The following OR2T10 variants were observed in gnomAD, a reference collection of about 807,000 sequenced individuals.
The protein encoded by OR2T10 is olfactory receptor family 2 subfamily T member 10.
For missense variants in OR2T10, 335 were observed against 382.5 expected, an observed-to-expected ratio of 0.88 and a Z score of 1.04; for synonymous variants, 125 against 141.8, an observed-to-expected ratio of 0.88 and a Z score of 0.84.
Position 248,593,510 on chromosome 1 carries a change from C to T in OR2T10, c.259G>A (p.Ala87Thr), listed in dbSNP as rs1463375825. ...TVPKMLVNQL[A>T]KDKTISVLGC... ...AGGACCGAGATGGTCTTGTCTTTGG[C>T]CAGCTGGTTCACCAGCATTTTGGGG... Residue 87 changes from alanine to threonine, a missense_variant, in exon 2 of 2, where the codon GCC (alanine) becomes ACC (threonine). Transcript: ENST00000642090. The T allele has an allele frequency of 1.3e-6, 2 of 1,571,930 alleles. No individual in the cohort carries two copies. The highest frequency in any genetic ancestry group is 1.7e-6 in the Non-Finnish European group (2 of 1,156,314).
At position 248,593,904 on chromosome 1, in the gene OR2T10, C is replaced by T. The variant is rs151288906; in HGVS notation, c.-28-108G>A. 1.1e-3 allele frequency: 621 copies of T among 567,238 alleles called. 124 individuals are homozygous for T. The African/African-American group carries it at 0.012, about 11-fold the overall frequency. 35.1% of individuals were successfully genotyped at this position (567,238 alleles called of 1,614,324 possible). A position where few individuals can be genotyped will look rare whatever the true frequency, so the allele number is the denominator to read the frequency against. ...CAATGTGAAAATCAGAGTGTATTTC[C>T]AACATGAACTGTGAATTTGCACTAA... On this transcript the variant is annotated intron_variant, in intron 1 of 1. Coordinates refer to ENST00000642090, the MANE Select transcript of OR2T10 (RefSeq NM_001004693.2).
Position 248,591,121 on chromosome 1 carries a change from CTTGA to C in OR2T10, c.*1705_*1708del, listed in dbSNP as rs942230911. ...TACTGAGACATGGTCCTACTGGACT[CTTGA>C]TTGACAGGCTGGTAGATGTCCCTAT... On this transcript the variant is annotated 3_prime_UTR_variant, in exon 2 of 2. Coordinates refer to ENST00000642090, the MANE Select transcript of OR2T10 (RefSeq NM_001004693.2). 1.2e-4 allele frequency: 17 copies of C among 143,352 alleles called. 4 individuals carry two copies. The highest frequency in any genetic ancestry group is 4.7e-4 in the African/African-American group (17 of 36,392). The allele number at this position is 143,352 out of a possible 1,614,324, so 8.9% of individuals were successfully genotyped here.
At position 248,593,247 on chromosome 1, in the gene OR2T10, A is replaced by C. The variant is rs1572088632; in HGVS notation, c.522T>G (p.Ile174Met). 6.4e-7 allele frequency: 1 copy of C among 1,573,892 alleles called. No homozygotes were observed. The highest frequency in any genetic ancestry group is 2.3e-5 in the East Asian group (1 of 43,646). ...CAGGGACCTCACAGAAGAAGTGCTG[A>C]ATCTCATGGGATCTGCAGAAGGGGA... ...MSFPFCRSHE[I>M]QHFFCEVPAV... Residue 174 changes from isoleucine to methionine, a missense_variant, in exon 2 of 2, where the codon ATT (isoleucine) becomes ATG (methionine). Coordinates refer to ENST00000642090, the MANE Select transcript of OR2T10 (RefSeq NM_001004693.2).
At chr1:248,594,128 G>T (rs1314179159) in intron 1 of OR2T10, among the ~76,000 whole-genome samples, 2 of 142,252 alleles carry the variant, frequency 1.4e-5, no homozygotes, top group East Asian at 2.0e-4. Context: ...TTCCTGTATT[G>T]CCCAAATCCC....
rs1659986459 is a variant in OR2T10 at position 248,590,868 on chromosome 1, T to G, written c.*1962A>C. On this transcript the variant is annotated 3_prime_UTR_variant, in exon 2 of 2. Transcript: ENST00000642090. ...ATTTAAGTTTTGCACAAATCTAAAC[T>G]GTATATTACATTAAAATTATTGCTA... 1.4e-5 allele frequency: 2 copies of G among 138,708 alleles called. No individual in the cohort carries two copies. The highest frequency in any genetic ancestry group is 6.9e-5 in the Admixed American group (1 of 14,574). The allele number at this position is 138,708 out of a possible 1,614,324, so 8.6% of individuals were successfully genotyped here. A position where few individuals can be genotyped will look rare whatever the true frequency, so the allele number is the denominator to read the frequency against.
rs1352187561 is a variant in OR2T10, at chr1:248,592,080, T to A, written c.*750A>T. Reference sequence around the variant, plus strand: ...ATATTTCTCTGGTTAAGTCTATGAATAAACCAATTATACTCCAAACATGTT... The same window carrying A: ...ATATTTCTCTGGTTAAGTCTATGAAAAAACCAATTATACTCCAAACATGTT... On this transcript the variant is annotated 3_prime_UTR_variant, in exon 2 of 2. Transcript: ENST00000642090. 3.5e-5 allele frequency: 5 copies of A among 144,116 alleles called. No individual in the cohort carries two copies. The highest frequency in any genetic ancestry group is 7.5e-5 in the Non-Finnish European group (5 of 66,456). 8.9% of individuals were successfully genotyped at this position (144,116 alleles called of 1,614,324 possible).
At chr1:248,595,667 C>A (rs1660079835) in intron 1 of OR2T10, among the ~76,000 whole-genome samples, 1 of 142,996 alleles carries the variant, frequency 7.0e-6, no homozygotes, top group Non-Finnish European at 1.5e-5. Flanking sequence ...AGATTTTAGT[C>A]AATTAATAAA....
chr1:248,593,257 G>A lies in OR2T10; in HGVS notation c.512C>T (p.Ser171Phe), dbSNP rs2103088208. ...ACAGAAGAAGTGCTGAATCTCATGG[G>A]ATCTGCAGAAGGGGAAGCTCATGGC... ...PIAMSFPFCR[S>F]HEIQHFFCEV... is the part of the protein sequence containing the mutation. Residue 171 changes from serine (S) to phenylalanine (F), a missense_variant, in exon 2 of 2, where the codon TCC becomes TTC. Ser to Phe is a radical substitution (Grantham distance 155). Transcript: ENST00000642090. 1 of 1,573,656 alleles carries A rather than the reference G, an allele frequency of 6.4e-7. No homozygotes were observed. Among genetic ancestry groups the A allele is most frequent in the South Asian group, 1.1e-5 (1 of 88,930 alleles).
rs756788064 is a variant in OR2T10 at position 248,592,123 on chromosome 1, G to T, written c.*707C>A. Reference sequence around the variant, plus strand: ...AACATGTTGTAGCCCATGTCTACTGGATAGCCCATGTCTCTGCTCTAATTT... The same window carrying T: ...AACATGTTGTAGCCCATGTCTACTGTATAGCCCATGTCTCTGCTCTAATTT... On this transcript the variant is annotated 3_prime_UTR_variant, in exon 2 of 2. Transcript: ENST00000642090. 2.3e-4 allele frequency: 33 copies of T among 143,778 alleles called. 9 individuals carry two copies. Among genetic ancestry groups the T allele is most frequent in the Non-Finnish European group, 3.3e-4 (22 of 66,406 alleles). 8.9% of individuals were successfully genotyped at this position (143,778 alleles called of 1,614,324 possible).
At chr1:248,594,441 C>T (rs1186070015) in intron 1 of OR2T10, among the ~76,000 whole-genome samples, 4 of 143,838 alleles carry the variant, frequency 2.8e-5, no homozygotes, top group Non-Finnish European at 4.5e-5. Context: ...TACTTTTACA[C>T]ATATGTGATT....
chr1:248,595,439 A>AATTC (rs1660077035), intron 1 of OR2T10, among the ~76,000 whole-genome samples: 1 of 143,212 alleles, frequency 7.0e-6, no homozygotes, highest in Non-Finnish European at 1.5e-5. Context: ...AATTGGTCAT[A>AATTC]TTATTTCCTT....
intron 1 of OR2T10, among the ~76,000 whole-genome samples, chr1:248,596,323 CTCTAGG>C (rs2103089552): frequency 7.0e-6 from 1 of 143,230 alleles, no homozygotes; most frequent in African/African-American, 2.7e-5. Context: ...AGCTAATTAA[CTCTAGG>C]TCTATGTAAG....
rs1659995800 is a variant in OR2T10 at position 248,591,343 on chromosome 1, TCTC to T, written c.*1484_*1486del. ...CTTCTGATAATACTCCATGTCTTCT[TCTC>T]AATTACCAAATTTATTTTCTGTATA... On this transcript the variant is annotated 3_prime_UTR_variant, in exon 2 of 2. Coordinates refer to ENST00000642090, the MANE Select transcript of OR2T10 (RefSeq NM_001004693.2). 1 of 143,782 alleles carries T rather than the reference TCTC, an allele frequency of 7.0e-6. No homozygotes were observed. The highest frequency in any genetic ancestry group is 2.2e-4 in the South Asian group (1 of 4,590). 8.9% of individuals were successfully genotyped at this position (143,782 alleles called of 1,614,324 possible).
At position 248,593,233 on chromosome 1, in the gene OR2T10, CAGA is replaced by C. The variant is rs777640386; in HGVS notation, c.533_535del (p.Phe178del). 51 of 1,573,696 alleles carry C rather than the reference CAGA, an allele frequency of 3.2e-5. 2 individuals are homozygous for C. The highest frequency in any genetic ancestry group is 1.2e-4 in the Admixed American group (7 of 58,422). On this transcript the variant is annotated inframe_deletion, in exon 2 of 2. Coordinates refer to ENST00000642090, the MANE Select transcript of OR2T10 (RefSeq NM_001004693.2). Reference sequence around the variant, plus strand: ...GAGCTTCAAAACAGCAGGGACCTCACAGAAGAAGTGCTGAATCTCATGGGATCT... The same window carrying C: ...GAGCTTCAAAACAGCAGGGACCTCACAGAAGTGCTGAATCTCATGGGATCT...
At position 248,592,640 on chromosome 1, in the gene OR2T10, G is replaced by A. The variant is rs1318593970; in HGVS notation, c.*190C>T. 32 of 460,560 alleles carry A rather than the reference G, an allele frequency of 6.9e-5. 3 individuals carry two copies. Among genetic ancestry groups the A allele is most frequent in the African/African-American group, 3.2e-4 (14 of 44,234 alleles). 28.5% of individuals were successfully genotyped at this position (460,560 alleles called of 1,614,324 possible). Reference sequence around the variant, plus strand: ...GGACTGGACTAGAGATCAATGCTACGAGGGAAGGGGGGGATAAGTGAACAT... The same window carrying A: ...GGACTGGACTAGAGATCAATGCTACAAGGGAAGGGGGGGATAAGTGAACAT... On this transcript the variant is annotated 3_prime_UTR_variant, in exon 2 of 2. Coordinates refer to ENST00000642090, the MANE Select transcript of OR2T10 (RefSeq NM_001004693.2).
In OR2T10 at chr1:248,590,900, TATTG is replaced by T. The variant is rs956753114; in HGVS notation, c.*1926_*1929del. On this transcript the variant is annotated 3_prime_UTR_variant, in exon 2 of 2. Transcript: ENST00000642090. ...TACATTAAAATTATTGCTAAGTCAATATTGATTATGACTCATTTACATATTACTC... is the reference window on the plus strand; with the variant it reads ...TACATTAAAATTATTGCTAAGTCAATATTATGACTCATTTACATATTACTC... 7.0e-6 allele frequency: 1 copy of T among 143,674 alleles called. No individual in the cohort carries two copies. Among genetic ancestry groups the T allele is most frequent in the Non-Finnish European group, 1.5e-5 (1 of 66,372 alleles). 8.9% of individuals were successfully genotyped at this position (143,674 alleles called of 1,614,324 possible).
intron 1 of OR2T10, among the ~76,000 whole-genome samples, chr1:248,596,756 A>AAC (rs1660097653): frequency 2.1e-5 from 3 of 143,520 alleles, no homozygotes; most frequent in Admixed American, 1.4e-4. Flanking sequence ...TCACAGTAGT[A>AAC]ACATCTGCAC....
In OR2T10 at chr1:248,592,825, A is replaced by C. The variant is rs771418098; in HGVS notation, c.*5T>G. On this transcript the variant is annotated 3_prime_UTR_variant, in exon 2 of 2. Coordinates refer to ENST00000642090, the MANE Select transcript of OR2T10 (RefSeq NM_001004693.2). ...AGAGAGGACCAACTTAAGTTCTTTC[A>C]CACTTTAATATGGAGGTTTCTGCAC... 4.7e-6 allele frequency: 7 copies of C among 1,477,398 alleles called. 2 individuals are homozygous for C. The highest frequency in any genetic ancestry group is 1.2e-5 in the South Asian group (1 of 81,706). The allele number at this position is 1,477,398 out of a possible 1,614,324, so 91.5% of individuals were successfully genotyped here.
Position 248,592,739 on chromosome 1 carries a change from A to G in OR2T10, c.*91T>C. 1.3e-6 allele frequency: 1 copy of G among 769,484 alleles called. No individual in the cohort carries two copies. The highest frequency in any genetic ancestry group is 2.1e-6 in the Non-Finnish European group (1 of 483,912). 47.7% of individuals were successfully genotyped at this position (769,484 alleles called of 1,614,324 possible). A position where few individuals can be genotyped will look rare whatever the true frequency, so the allele number is the denominator to read the frequency against. On this transcript the variant is annotated 3_prime_UTR_variant, in exon 2 of 2. Transcript: ENST00000642090. ...TGAAGGACAACTCAGGGAGTCAGACACTACCACAATATGCTGATTGTTTGG... is the reference window on the plus strand; with the variant it reads ...TGAAGGACAACTCAGGGAGTCAGACGCTACCACAATATGCTGATTGTTTGG...
Sources: gnomAD v4.1 joint callset for allele counts (sites outside exome capture counted in the v4.1 genomes callset) on GRCh38, gnomAD v4.1.1 for gene constraint, MANE v1.5 for transcripts, NCBI Gene and HGNC (gene_info 2026-07-23, HGNC 2026-07-21) for gene names.